The following SLC16A7 variants were observed in gnomAD, a reference collection of about 807,000 sequenced individuals.
SLC16A7 encodes solute carrier family 16 member 7, also known as monocarboxylate transporter 2.
A neutral mutation model predicts 34.9 loss-of-function variants in SLC16A7; 33 were observed. The observed-to-expected ratio is 0.94, with a 90% CI of 0.72 to 1.26. The LOEUF (loss-of-function observed/expected upper bound fraction) is 1.26, where lower values mean the gene tolerates loss of function less well. Ranked by LOEUF, SLC16A7 falls within the 50% of genes most tolerant of loss-of-function variation. The probability of loss-of-function intolerance (pLI) is 0.00; values close to 1 mark genes in which losing one functional copy is unlikely to be tolerated. For synonymous variants in SLC16A7, 201 were observed against 206.6 expected (o/e 0.97, Z 0.23); for missense variants, 573 against 578.1 (o/e 0.99, Z 0.09).
chr12:59,741,620 T>G (rs928185244), intron 3 of SLC16A7, among the ~76,000 whole-genome samples: 2 of 152,224 alleles, frequency 1.3e-5, no homozygotes, highest in African/African-American at 4.8e-5. Context: ...TTCTTTTCAC[T>G]GAATTTTAGA....
intron 3 of SLC16A7, among the ~76,000 whole-genome samples, chr12:59,759,336 A>G (rs906432868): frequency 2.0e-5 from 3 of 152,014 alleles, no homozygotes; most frequent in African/African-American, 4.8e-5. Context: ...TCATTAAAAT[A>G]GGACCCCATT....
At chr12:59,743,610 A>G (rs1878567839) in intron 3 of SLC16A7, among the ~76,000 whole-genome samples, 1 of 152,230 alleles carries the variant, frequency 6.6e-6, no homozygotes, top group Non-Finnish European at 1.5e-5. Flanking sequence ...AATTGTCTAA[A>G]TCAATTTTCA....
At chr12:59,678,527 C>G (rs1401959089) in intron 2 of SLC16A7, among the ~76,000 whole-genome samples, 6 of 152,144 alleles carry the variant, frequency 3.9e-5, no homozygotes. Context: ...AGAGGAGACT[C>G]TGGAGTGAGT....
rs376481026 is a variant in SLC16A7, at chr12:59,773,633, C to T, written c.362-1024C>T. 1.7e-3 allele frequency among the ~76,000 whole-genome samples: 256 copies of T among 151,688 alleles called. 1 individual carries two copies. Among genetic ancestry groups the T allele is most frequent in the Middle Eastern group, 6.8e-3 (2 of 294 alleles). Reference sequence around the variant, plus strand: ...AGGCTGGAGTGCAGTGGCATGATCTCGGCTCACTGCAATCTCCGCCTCCTC... The same window carrying T: ...AGGCTGGAGTGCAGTGGCATGATCTTGGCTCACTGCAATCTCCGCCTCCTC... On this transcript the variant is annotated intron_variant, in intron 4 of 5. Transcript: ENST00000547379.
At chr12:59,779,082 G>GAGAT (rs1290943198) in intron 5 of SLC16A7, among the ~76,000 whole-genome samples, 1 of 152,004 alleles carries the variant, frequency 6.6e-6, no homozygotes, top group Non-Finnish European at 1.5e-5. Context: ...GCTGTAAATA[G>GAGAT]AGATATCTAT....
At chr12:59,675,893 T>C (rs1391385838) in intron 2 of SLC16A7, among the ~76,000 whole-genome samples, 4 of 152,144 alleles carry the variant, frequency 2.6e-5, no homozygotes, top group Admixed American at 6.6e-5. Flanking sequence ...TTTACTAGTT[T>C]TGCAGCTATT....
At chr12:59,629,694 G>A (rs1018002774) in intron 1 of SLC16A7, among the ~76,000 whole-genome samples, 1 of 151,854 alleles carries the variant, frequency 6.6e-6, no homozygotes, top group East Asian at 1.9e-4. Flanking sequence ...TGCCACATAT[G>A]CTGTATGACT....
intron 3 of SLC16A7, among the ~76,000 whole-genome samples, chr12:59,753,432 C>CA (rs1303325835): frequency 2.0e-5 from 3 of 151,688 alleles, no homozygotes; most frequent in African/African-American, 4.8e-5. Flanking sequence ...CAATGGAAAA[C>CA]AAAAAAAGGC....
chr12:59,667,046 A>G (rs144094130), intron 2 of SLC16A7, among the ~76,000 whole-genome samples: 2,340 of 152,282 alleles, frequency 0.015, 30 homozygotes, highest in Non-Finnish European at 0.023. Context: ...CACTTCTTAC[A>G]TGGTGGAGGC....
chr12:59,671,924 T>C (rs1240310656), intron 2 of SLC16A7, among the ~76,000 whole-genome samples: 1 of 54,436 alleles, frequency 1.8e-5, no homozygotes, highest in Non-Finnish European at 3.3e-5. Context: ...TATATATGTA[T>C]ATATCCATAT....
At chr12:59,676,654 T>G (rs1295639608) in intron 2 of SLC16A7, among the ~76,000 whole-genome samples, 1 of 152,136 alleles carries the variant, frequency 6.6e-6, no homozygotes, top group Non-Finnish European at 1.5e-5. Context: ...ATTATAATGT[T>G]TAATTTTTTA....
rs143304158 is a variant in SLC16A7 at position 59,727,495 on chromosome 12, A to G, written c.217+22477A>G. On this transcript the variant is annotated intron_variant, in intron 3 of 5. Transcript: ENST00000547379. ...ATCCAGCAATTTTCAGGTCTTTAGT[A>G]GAGATGCACTTGAGATCATCCTGGG... Among the ~76,000 whole-genome samples, 79 of 152,294 alleles carry G rather than the reference A, an allele frequency of 5.2e-4. 5 individuals are homozygous for G. The highest frequency in any genetic ancestry group is 1.8e-3 in the African/African-American group (74 of 41,576).
intron 3 of SLC16A7, among the ~76,000 whole-genome samples, chr12:59,770,583 C>A (rs189357727): frequency 4.6e-4 from 70 of 152,286 alleles, no homozygotes; most frequent in Non-Finnish European, 7.1e-4. Flanking sequence ...CAAATTCAGA[C>A]ATGCATAGTC....
chr12:59,729,131 A>T (rs1876634312), intron 3 of SLC16A7, among the ~76,000 whole-genome samples: 2 of 152,212 alleles, frequency 1.3e-5, no homozygotes, highest in Admixed American at 1.3e-4. Flanking sequence ...TATTAATCAT[A>T]TTTATGTGTG....
chr12:59,671,246 C>T (rs1291451990), intron 2 of SLC16A7, among the ~76,000 whole-genome samples: 5 of 152,090 alleles, frequency 3.3e-5, no homozygotes, highest in Admixed American at 6.6e-5. Context: ...TTTTAGAAAA[C>T]CACATGCTTT....
At chr12:59,637,577 G>C (rs1377044684) in intron 1 of SLC16A7, among the ~76,000 whole-genome samples, 1 of 151,908 alleles carries the variant, frequency 6.6e-6, no homozygotes, top group East Asian at 1.9e-4. Context: ...TATAGCAAAA[G>C]ACAGGTTAAT....
At chr12:59,696,666 T>A (rs1872331912) in intron 2 of SLC16A7, 1 of 152,018 alleles carries the variant, frequency 6.6e-6, no homozygotes, top group Admixed American at 6.6e-5. Context: ...AGCCAGAGTG[T>A]GTATGACTTG....
chr12:59,690,803 T>C (rs1871558101), intron 2 of SLC16A7, among the ~76,000 whole-genome samples: 1 of 152,008 alleles, frequency 6.6e-6, no homozygotes, highest in Non-Finnish European at 1.5e-5. Context: ...GTAATCCTTA[T>C]GCTAAAGAGG....
chr12:59,723,875 CT>C (rs1016694919), intron 3 of SLC16A7, among the ~76,000 whole-genome samples: 27 of 151,816 alleles, frequency 1.8e-4, no homozygotes, highest in Non-Finnish European at 2.2e-4. Context: ...TTTCCATTGC[CT>C]TTTTTTCTTC....
Sources: allele counts gnomAD v4.1 joint callset (sites outside exome capture counted in the v4.1 genomes callset), GRCh38; gene constraint gnomAD v4.1.1; transcripts MANE v1.5; gene names NCBI Gene and HGNC (gene_info 2026-07-23, HGNC 2026-07-21).